The following NAP1L4 variants were observed in gnomAD, a reference collection of about 807,000 sequenced individuals.
NAP1L4 encodes the protein nucleosome assembly protein 1 like 4.
In NAP1L4, 15 loss-of-function variants were observed where a neutral mutation model predicts 58.2. The ratio of observed to expected loss-of-function variants is 0.26; its 90% CI spans 0.17 to 0.40. The LOEUF is 0.40. Ranked by LOEUF, NAP1L4 falls within the 10% of genes least tolerant of loss-of-function variation. The pLI, the probability that NAP1L4 is intolerant of heterozygous loss-of-function variation, is 1.00. For missense variants in NAP1L4, 384 were observed against 451.1 expected, an observed-to-expected ratio of 0.85 and a Z score of 1.35; for synonymous variants, 171 against 155.6, an observed-to-expected ratio of 1.10 and a Z score of -0.74.
chr11:2,945,837 G>GT lies in NAP1L4; in HGVS notation c.*33-192dup, dbSNP rs200984231. On this transcript the variant is annotated intron_variant, in intron 15 of 15. Coordinates refer to ENST00000380542, the MANE Select transcript of NAP1L4 (RefSeq NM_005969.4). ...CCTACCACCCTGCAGTCAAAGCAGG[G>GT]TTTTTTTTTGTTTTTAAAGCTATGC... is the stretch of plus-strand genomic sequence containing the variant. Among the ~76,000 whole-genome samples, 485 of 151,510 alleles carry GT rather than the reference G, an allele frequency of 3.2e-3. 2 individuals carry two copies. The highest frequency in any genetic ancestry group is 0.014 in the South Asian group (65 of 4,782).
rs777037278 is a variant in NAP1L4, at chr11:2,963,792, C to T, written c.606+888G>A. 4 of 519,320 alleles carry T rather than the reference C, an allele frequency of 7.7e-6. 1 individual carries two copies. Among genetic ancestry groups the T allele is most frequent in the South Asian group, 5.6e-5 (4 of 71,592 alleles). The allele number at this position is 519,320 out of a possible 1,614,324, so 32.2% of individuals were successfully genotyped here. A position where few individuals can be genotyped will look rare whatever the true frequency, so the allele number is the denominator to read the frequency against. On this transcript the variant is annotated intron_variant, in intron 8 of 15. Coordinates refer to ENST00000380542, the MANE Select transcript of NAP1L4 (RefSeq NM_005969.4). The stretch of plus-strand genomic sequence containing the variant: ...CAGCATTTGTCTCCAAGACCTGAAA[C>T]TGAAAGCCACCAGTCAGTCAGTCAT...
In NAP1L4 at chr11:2,954,705, C is replaced by T. The variant is rs1476780145; in HGVS notation, c.916-59G>A. ...TAATGGGATAAAAACATTCACTTCA[C>T]CACCCTCAGCCAAACCTCAGCCCCT... On this transcript the variant is annotated intron_variant, in intron 11 of 15. Coordinates refer to ENST00000380542, the MANE Select transcript of NAP1L4 (RefSeq NM_005969.4). This position sits in a 1 kb window ranked among gnomAD's most constrained non-coding sequence, Gnocchi z 4.8. 4.4e-6 allele frequency: 7 copies of T among 1,606,186 alleles called. No individual in the cohort carries two copies. Among genetic ancestry groups the T allele is most frequent in the African/African-American group, 1.3e-5 (1 of 74,762 alleles).
chr11:2,961,065 T>C (rs1454373895), intron 8 of NAP1L4, among the ~76,000 whole-genome samples: 1 of 152,122 alleles, frequency 6.6e-6, no homozygotes, highest in East Asian at 1.9e-4. Flanking sequence ...GCCGCGTTTA[T>C]AGGCAAGGCT....
intron 6 of NAP1L4, among the ~76,000 whole-genome samples, chr11:2,970,492 A>G (rs1289031707): frequency 6.6e-6 from 1 of 152,174 alleles, no homozygotes; most frequent in Admixed American, 6.5e-5. Flanking sequence ...TCCAGCTTGT[A>G]AGGAAGTGGC....
intron 15 of NAP1L4, among the ~76,000 whole-genome samples, chr11:2,947,695 G>C (rs1177596606): frequency 6.6e-6 from 1 of 152,068 alleles, no homozygotes; most frequent in Non-Finnish European, 1.5e-5. Flanking sequence ...TGATGGTTGA[G>C]TCATTAATCA....
At position 2,971,356 on chromosome 11, in the gene NAP1L4, C is replaced by A; in HGVS notation, c.402+92G>T. 9.0e-7 allele frequency: 1 copy of A among 1,116,638 alleles called. No homozygotes were observed. 69.2% of individuals were successfully genotyped at this position (1,116,638 alleles called of 1,614,324 possible). A position where few individuals can be genotyped will look rare whatever the true frequency, so the allele number is the denominator to read the frequency against. On this transcript the variant is annotated intron_variant, in intron 6 of 15. Transcript: ENST00000380542. This position sits in a 1 kb window ranked among gnomAD's most constrained non-coding sequence, Gnocchi z 4.2. ...GCAGCAGCACCTACTGTTAGAAGCACATAAGTTTACTAGTCATTAAAAATC... is the reference window on the plus strand; with the variant it reads ...GCAGCAGCACCTACTGTTAGAAGCAAATAAGTTTACTAGTCATTAAAAATC...
At chr11:2,976,670 C>T (rs1296623287) in intron 3 of NAP1L4, among the ~76,000 whole-genome samples, 2 of 152,226 alleles carry the variant, frequency 1.3e-5, no homozygotes, top group African/African-American at 4.8e-5. Flanking sequence ...TGCCCAAACC[C>T]ACCTCCCTCC....
intron 1 of NAP1L4, among the ~76,000 whole-genome samples, chr11:2,982,480 C>A (rs1005608692): frequency 5.3e-5 from 8 of 152,182 alleles, no homozygotes; most frequent in African/African-American, 1.9e-4. Context: ...ATTTCCAGCA[C>A]CTCCTATACT....
chr11:2,987,286 A>G (rs1329008276), intron 1 of NAP1L4, among the ~76,000 whole-genome samples: 2 of 151,856 alleles, frequency 1.3e-5, no homozygotes, highest in Non-Finnish European at 1.5e-5. Flanking sequence ...TTCCATGATA[A>G]TGTTCTGGGT....
chr11:2,985,253 C>T (rs986791138), intron 1 of NAP1L4, among the ~76,000 whole-genome samples: 10 of 152,114 alleles, frequency 6.6e-5, no homozygotes, highest in African/African-American at 2.4e-4. Flanking sequence ...TAAGGAAAGA[C>T]AATGTAGAGA....
At chr11:2,950,750 G>A (rs951166283) in intron 14 of NAP1L4, among the ~76,000 whole-genome samples, 1 of 152,078 alleles carries the variant, frequency 6.6e-6, no homozygotes, top group Non-Finnish European at 1.5e-5. Flanking sequence ...GTTTTCTTTA[G>A]TAAACCTTTC....
chr11:2,950,304 G>T (rs1846157039), intron 14 of NAP1L4, among the ~76,000 whole-genome samples: 1 of 152,116 alleles, frequency 6.6e-6, no homozygotes, highest in Admixed American at 6.5e-5. Context: ...TCTCAAAAAA[G>T]TTTTAAAAGC....
intron 4 of NAP1L4, among the ~76,000 whole-genome samples, chr11:2,975,089 G>GC (rs1847869867): frequency 6.6e-6 from 1 of 151,714 alleles, no homozygotes; most frequent in Admixed American, 6.6e-5. Context: ...GGAAGGTGGG[G>GC]CCTCCTGGGA....
chr11:2,958,858 A>G (rs1384314465), intron 9 of NAP1L4: 1 of 307,986 alleles, frequency 3.2e-6, no homozygotes, highest in Non-Finnish European at 6.0e-6. Flanking sequence ...TGCATGATGC[A>G]CAAGAACTTG....
chr11:2,955,362 ATT>A lies in NAP1L4; in HGVS notation c.915+380_915+381del, dbSNP rs3216309. Among the ~76,000 whole-genome samples the A allele has an allele frequency of 6.9e-6, 1 of 144,124 alleles. No homozygotes were observed. Among genetic ancestry groups the A allele is most frequent in the Non-Finnish European group, 1.5e-5 (1 of 65,064 alleles). The allele number at this position is 144,124 out of a possible 152,430, so 94.6% of individuals were successfully genotyped here. ...CAGGCGCTGCCACCGTGTCCAACTA[ATT>A]TTTTTTTTTTTTGGTATTTTAAGCA... is the stretch of plus-strand genomic sequence containing the variant. On this transcript the variant is annotated intron_variant, in intron 11 of 15. Coordinates refer to ENST00000380542, the MANE Select transcript of NAP1L4 (RefSeq NM_005969.4). This position sits in a 1 kb window ranked among gnomAD's most constrained non-coding sequence, Gnocchi z 4.2.
chr11:2,966,577 T>G (rs1369881576), intron 7 of NAP1L4, among the ~76,000 whole-genome samples: 1 of 152,218 alleles, frequency 6.6e-6, no homozygotes, highest in Non-Finnish European at 1.5e-5. Context: ...TTTTCAACTC[T>G]TCTGACATAA....
chr11:2,970,062 C>T, intron 6 of NAP1L4, 128 bp from the exon 7 acceptor site: 2 of 904,100 alleles, frequency 2.2e-6, no homozygotes, highest in African/African-American at 1.7e-5. Flanking sequence ...AAGTCTGCAC[C>T]TCCAAACCAC....
chr11:2,976,033 T>G lies in NAP1L4; in HGVS notation c.164A>C (p.Tyr55Ser), dbSNP rs747323856. Residue 55 changes from tyrosine (Y) to serine (S), a missense_variant, in exon 4 of 16, where the codon TAC (tyrosine) becomes TCC (serine). Coordinates refer to ENST00000380542, the MANE Select transcript of NAP1L4 (RefSeq NM_005969.4). ...LDNVPHTPSS[Y>S]IETLPKAVKR... The stretch of plus-strand genomic sequence containing the variant: ...TTCACAGCACACTTACGTTTCGATG[T>G]AGCTGGAAGGGGTGTGAGGGACATT... 1 of 1,612,866 alleles carries G rather than the reference T, an allele frequency of 6.2e-7. No homozygotes were observed.
At position 2,951,741 on chromosome 11, in the gene NAP1L4, T is replaced by G. The variant is rs756319063; in HGVS notation, c.1065+39A>C. 104 of 1,608,968 alleles carry G rather than the reference T, an allele frequency of 6.5e-5. No individual in the cohort carries two copies. Among genetic ancestry groups the G allele is most frequent in the Non-Finnish European group, 8.8e-5 (103 of 1,175,808 alleles). The stretch of plus-strand genomic sequence containing the variant: ...AGCAGAGAAAGCCAAAGAAACAACT[T>G]CAGGGAGGTAAGTGGCACTGCATAA... On this transcript the variant is annotated intron_variant, in intron 13 of 15. Transcript: ENST00000380542. The surrounding 1 kb of genome is among the most constrained non-coding windows in gnomAD (Gnocchi z 4.0).
Sources: allele counts gnomAD v4.1 joint callset (sites outside exome capture counted in the v4.1 genomes callset), GRCh38; gene constraint gnomAD v4.1.1; non-coding constraint Gnocchi (gnomAD v3.1); transcripts MANE v1.5; gene names NCBI Gene and HGNC (gene_info 2026-07-23, HGNC 2026-07-21).